SH2D3C: variants seen among roughly 807,000 people sequenced by gnomAD.
SH2D3C encodes the protein SH2 domain-containing protein 3C.
In SH2D3C, 25 loss-of-function variants were observed where a neutral mutation model predicts 75.2. That is an observed-to-expected ratio of 0.33 (90% CI 0.24 to 0.46). SH2D3C has a LOEUF of 0.46. SH2D3C is among the 20% of genes least tolerant of loss of function. SH2D3C has a pLI of 1.00. For synonymous variants in SH2D3C, 450 were observed against 473.7 expected, an observed-to-expected ratio of 0.95 and a Z score of 0.65; for missense variants, 933 against 1,165.3, an observed-to-expected ratio of 0.80 and a Z score of 2.90.
Position 127,749,283 on chromosome 9 carries a change from T to C in SH2D3C, c.1067A>G (p.Lys356Arg). The change falls in exon 5 of 12, where the codon AAG becomes AGG. Residue 356 changes from lysine (K) to arginine (R), a missense_variant. By Grantham distance (26) the Lys-to-Arg change is conservative. Coordinates refer to ENST00000314830, the MANE Select transcript of SH2D3C (RefSeq NM_170600.3). The surrounding 1 kb of genome is among the most constrained non-coding windows in gnomAD (Gnocchi z 5.9). ...ATCGGTCATGGTGACGCTGCGCCGC[T>C]TCATGTGGCTGCCCTTGGGGCCTGA... ...SPSGPKGSHM[K>R]RRSVTMTDGL... 6.2e-7 allele frequency: 1 copy of C among 1,608,056 alleles called. No homozygotes were observed. Among genetic ancestry groups the C allele is most frequent in the Non-Finnish European group, 8.5e-7 (1 of 1,176,766 alleles).
In SH2D3C at chr9:127,773,973, A is replaced by T. The variant is rs763102835; in HGVS notation, c.515+17T>A. The T allele has an allele frequency of 1.3e-6, 2 of 1,491,908 alleles. No individual in the cohort carries two copies. Among genetic ancestry groups the T allele is most frequent in the South Asian group, 2.3e-5 (2 of 87,174 alleles). The allele number at this position is 1,491,908 out of a possible 1,614,324, so 92.4% of individuals were successfully genotyped here. On this transcript the variant is annotated intron_variant, in intron 2 of 11. Transcript: ENST00000314830. ...GAAGCCATCCCTGCAGGTCCCAACC[A>T]GCCCCTGGGCACCTACCTTTCTGAG...
intron 2 of SH2D3C, among the ~76,000 whole-genome samples, chr9:127,773,021 A>G: frequency 6.6e-6 from 1 of 151,750 alleles, no homozygotes; most frequent in East Asian, 1.9e-4. Flanking sequence ...TTTAGTAGAG[A>G]CGGGGTTTTA....
At chr9:127,760,969 A>C (rs1249203023) in intron 3 of SH2D3C, among the ~76,000 whole-genome samples, 4 of 151,952 alleles carry the variant, frequency 2.6e-5, no homozygotes, top group Non-Finnish European at 5.9e-5. Flanking sequence ...CTTCCTGAGT[A>C]GCTGGGATTA....
intron 2 of SH2D3C, among the ~76,000 whole-genome samples, chr9:127,768,257 T>G (rs577156318): frequency 1.3e-5 from 2 of 151,520 alleles, no homozygotes; most frequent in Admixed American, 1.3e-4. Context: ...CTGGGGAGAG[T>G]TGGGAATTCT....
rs1196760411 is a variant in SH2D3C at position 127,744,071 on chromosome 9, GCTT to G, written c.1800+490_1800+492del. ...TGGAGGAAGCAAGGATATCTTATGT[GCTT>G]TTTTTTTTTTTTTTTTTGAATAGTG... is the stretch of plus-strand genomic sequence containing the variant. On this transcript the variant is annotated intron_variant, in intron 7 of 11. Coordinates refer to ENST00000314830, the MANE Select transcript of SH2D3C (RefSeq NM_170600.3). 2.6e-5 allele frequency among the ~76,000 whole-genome samples: 3 copies of G among 114,308 alleles called. No homozygotes were observed. The East Asian group carries it at 6.5e-4, about 25-fold the overall frequency. The allele number at this position is 114,308 out of a possible 152,430, so 75.0% of individuals were successfully genotyped here.
chr9:127,750,311 T>C (rs1303284957), intron 4 of SH2D3C, among the ~76,000 whole-genome samples: 1 of 152,018 alleles, frequency 6.6e-6, no homozygotes, highest in Non-Finnish European at 1.5e-5. Flanking sequence ...CATGCCACCA[T>C]GCCTGGCTAA....
intron 2 of SH2D3C, chr9:127,771,245 G>A: frequency 1.3e-6 from 2 of 1,542,864 alleles, no homozygotes; most frequent in Non-Finnish European, 8.7e-7. Flanking sequence ...CCCCGCTGTC[G>A]CCGCCGGCAA....
intron 3 of SH2D3C, among the ~76,000 whole-genome samples, chr9:127,753,092 G>A (rs4837180): frequency 0.075 from 11,387 of 152,052 alleles, 996 homozygotes; most frequent in African/African-American, 0.21. Flanking sequence ...GGGCTGTGGG[G>A]GCAGGGGCAG....
At chr9:127,743,669 G>A (rs1844933899) in intron 7 of SH2D3C, among the ~76,000 whole-genome samples, 1 of 152,202 alleles carries the variant, frequency 6.6e-6, no homozygotes, top group Non-Finnish European at 1.5e-5. Context: ...ACTCTTCATG[G>A]AGTGACATCT....
intron 5 of SH2D3C, among the ~76,000 whole-genome samples, chr9:127,747,741 T>C (rs548348805): frequency 6.6e-6 from 1 of 152,284 alleles, no homozygotes; most frequent in African/African-American, 2.4e-5. Context: ...GGTTTCACCA[T>C]GTTGGCCAGG....
chr9:127,738,384 GA>G lies in SH2D3C; in HGVS notation c.*361del, dbSNP rs1342078965. The G allele has an allele frequency of 1.7e-5, 3 of 181,256 alleles. No homozygotes were observed. The highest frequency in any genetic ancestry group is 7.1e-5 in the African/African-American group (3 of 42,530). The allele number at this position is 181,256 out of a possible 1,614,324, so 11.2% of individuals were successfully genotyped here. A position where few individuals can be genotyped will look rare whatever the true frequency, so the allele number is the denominator to read the frequency against. ...CTTCTGTACATCTATTTACAGAACAGAGACTTATTTACAGTGAGATGGAGGC... is the reference window on the plus strand; with the variant it reads ...CTTCTGTACATCTATTTACAGAACAGGACTTATTTACAGTGAGATGGAGGC... On this transcript the variant is annotated 3_prime_UTR_variant, in exon 12 of 12. Transcript: ENST00000314830. This position sits in a 1 kb window ranked among gnomAD's most constrained non-coding sequence, Gnocchi z 5.0.
intron 7 of SH2D3C, among the ~76,000 whole-genome samples, chr9:127,744,165 G>T (rs1258929052): frequency 6.9e-6 from 1 of 145,600 alleles, no homozygotes; most frequent in Non-Finnish European, 1.5e-5. Flanking sequence ...CCGCCTCCAA[G>T]GTTCAAGTGA....
chr9:127,744,702 G>C lies in SH2D3C; in HGVS notation c.1662C>G (p.Asn554Lys). ...TCAGTAGTGACTGGAAGGTGGCCGG[G>C]TTGAAGGAAGAAGTGACTTCCACGA... ...VPIVEVTSSF[N>K]PATFQSLLIP... Residue 554 changes from asparagine (N) to lysine (K), a missense_variant, in exon 7 of 12, where the codon AAC becomes AAG. By Grantham distance (94) the Asn-to-Lys change is moderately conservative. Coordinates refer to ENST00000314830, the MANE Select transcript of SH2D3C (RefSeq NM_170600.3). The C allele has an allele frequency of 1.2e-6, 2 of 1,614,218 alleles. No individual in the cohort carries two copies. Among genetic ancestry groups the C allele is most frequent in the Non-Finnish European group, 1.7e-6 (2 of 1,180,042 alleles).
chr9:127,759,735 G>C (rs537773609), intron 3 of SH2D3C, among the ~76,000 whole-genome samples: 1 of 152,134 alleles, frequency 6.6e-6, no homozygotes, highest in East Asian at 1.9e-4. Context: ...TGTAATCCCA[G>C]CATTTTGGGA....
intron 2 of SH2D3C, among the ~76,000 whole-genome samples, chr9:127,769,163 A>G (rs1588523352): frequency 6.6e-6 from 1 of 152,304 alleles, no homozygotes; most frequent in Middle Eastern, 3.4e-3. Context: ...GCTCACTGCT[A>G]TCTCCCAGGA....
chr9:127,748,901 G>A (rs190524080), intron 5 of SH2D3C, among the ~76,000 whole-genome samples: 2 of 152,276 alleles, frequency 1.3e-5, no homozygotes, highest in Non-Finnish European at 2.9e-5. Context: ...GGGCTCCCCT[G>A]GGGTAGGGAG....
Position 127,754,600 on chromosome 9 carries a change from G to A in SH2D3C, c.556-3300C>T, listed in dbSNP as rs905560072. 1.3e-5 allele frequency among the ~76,000 whole-genome samples: 2 copies of A among 152,172 alleles called. No homozygotes were observed. Among genetic ancestry groups the A allele is most frequent in the African/African-American group, 4.8e-5 (2 of 41,452 alleles). ...GTCCAAGCCCACCTAGAGGGCGGGAGGGTGGCGGGCGCTCTGGCCCCAACC... is the reference window on the plus strand; with the variant it reads ...GTCCAAGCCCACCTAGAGGGCGGGAAGGTGGCGGGCGCTCTGGCCCCAACC... On this transcript the variant is annotated intron_variant, in intron 3 of 11. Transcript: ENST00000314830. This position sits in a 1 kb window ranked among gnomAD's most constrained non-coding sequence, Gnocchi z 4.4.
intron 2 of SH2D3C, chr9:127,761,995 C>T (rs1052128560): frequency 1.4e-4 from 42 of 303,154 alleles, no homozygotes; most frequent in Non-Finnish European, 2.3e-4. Context: ...GGACTCCAGA[C>T]ACCACGCCTC....
intron 2 of SH2D3C, among the ~76,000 whole-genome samples, chr9:127,772,792 TGA>T (rs1845757849): frequency 6.6e-6 from 1 of 152,032 alleles, no homozygotes; most frequent in South Asian, 2.1e-4. Context: ...TAACCTTGGC[TGA>T]GTCTCAGTTT....
Sources: allele counts gnomAD v4.1 joint callset (sites outside exome capture counted in the v4.1 genomes callset), GRCh38; gene constraint gnomAD v4.1.1; non-coding constraint Gnocchi (gnomAD v3.1); transcripts MANE v1.5; gene names NCBI Gene and HGNC (gene_info 2026-07-23, HGNC 2026-07-21).